The following ADAM23 variants were observed in gnomAD, a reference collection of about 807,000 sequenced individuals.
ADAM23 encodes disintegrin and metalloproteinase domain-containing protein 23.
A neutral mutation model predicts 120.1 loss-of-function variants in ADAM23; 33 were observed. That is an observed-to-expected ratio of 0.27 (90% CI 0.21 to 0.37). The LOEUF is 0.37. ADAM23 is among the 10% of genes least tolerant of loss of function. The pLI is 1.00. For synonymous variants in ADAM23, 367 were observed against 375.2 expected, an observed-to-expected ratio of 0.98 and a Z score of 0.25; for missense variants, 862 against 1,058.2, an observed-to-expected ratio of 0.81 and a Z score of 2.57.
intron 3 of ADAM23, among the ~76,000 whole-genome samples, chr2:206,493,888 A>G (rs1370981801): frequency 2.6e-5 from 4 of 152,214 alleles, no homozygotes; most frequent in Admixed American, 2.0e-4. Flanking sequence ...ATGTGACCAG[A>G]AGGATCTCAC....
intron 2 of ADAM23, among the ~76,000 whole-genome samples, chr2:206,466,593 T>G (rs1489006924): frequency 6.6e-6 from 1 of 152,234 alleles, no homozygotes; most frequent in Non-Finnish European, 1.5e-5. Flanking sequence ...CTCATTCATA[T>G]GTCTCTCATT....
intron 24 of ADAM23, among the ~76,000 whole-genome samples, chr2:206,598,312 T>G (rs1383049899): frequency 2.0e-5 from 3 of 152,132 alleles, no homozygotes; most frequent in African/African-American, 7.2e-5. Context: ...CTTTTTTTCT[T>G]TAAGTAGAGT....
At chr2:206,528,654 A>G (rs1696988384) in intron 3 of ADAM23, among the ~76,000 whole-genome samples, 1 of 152,214 alleles carries the variant, frequency 6.6e-6, no homozygotes, top group African/African-American at 2.4e-5. Context: ...AAAATGATGC[A>G]AAATCATTGA....
rs759816576 is a variant in ADAM23, at chr2:206,550,174, G to T, written c.933+14G>T. 3.9e-6 allele frequency: 6 copies of T among 1,523,572 alleles called. No homozygotes were observed. In the Admixed American group the frequency reaches 1.1e-4, roughly 27 times the overall value. The allele number at this position is 1,523,572 out of a possible 1,614,324, so 94.4% of individuals were successfully genotyped here. ...GATCACAAAACGGTAAGAATATAGA[G>T]TCAGTGGGTTTTAGAACAGATAGCT... is the stretch of plus-strand genomic sequence containing the variant. On this transcript the variant is annotated intron_variant, in intron 9 of 25. Coordinates refer to ENST00000264377, the MANE Select transcript of ADAM23 (RefSeq NM_003812.4).
At chr2:206,526,005 A>G (rs1462382368) in intron 3 of ADAM23, among the ~76,000 whole-genome samples, 1 of 152,152 alleles carries the variant, frequency 6.6e-6, no homozygotes, top group African/African-American at 2.4e-5. Context: ...TTTTCCAATT[A>G]TTAGAATCCT....
intron 3 of ADAM23, among the ~76,000 whole-genome samples, chr2:206,490,837 C>G (rs1344185086): frequency 6.6e-6 from 1 of 151,956 alleles, no homozygotes; most frequent in East Asian, 1.9e-4. Context: ...ATATTGAATG[C>G]CTTGGGTATT....
At chr2:206,525,021 G>T (rs1696915257) in intron 3 of ADAM23, among the ~76,000 whole-genome samples, 1 of 152,174 alleles carries the variant, frequency 6.6e-6, no homozygotes. Flanking sequence ...TAGGTAGGGT[G>T]ACCATATGCC....
At chr2:206,583,047 A>G (rs1489063505) in intron 18 of ADAM23, among the ~76,000 whole-genome samples, 6 of 152,172 alleles carry the variant, frequency 3.9e-5, no homozygotes, top group Non-Finnish European at 7.4e-5. Flanking sequence ...TCTTTTTGCA[A>G]TGAATTTCTC....
intron 2 of ADAM23, among the ~76,000 whole-genome samples, chr2:206,479,524 A>T (rs1695851514): frequency 6.6e-6 from 1 of 152,120 alleles, no homozygotes; most frequent in Non-Finnish European, 1.5e-5. Flanking sequence ...GAGCTGAAAA[A>T]TCTCTCCTTG....
At chr2:206,608,089 A>C (rs1476378211) in intron 24 of ADAM23, 1 of 353,040 alleles carries the variant, frequency 2.8e-6, no homozygotes. Context: ...ACATGTAAGT[A>C]GAATAAAGTT....
At chr2:206,482,510 G>A (rs1270576717) in intron 3 of ADAM23, among the ~76,000 whole-genome samples, 2 of 152,166 alleles carry the variant, frequency 1.3e-5, no homozygotes, top group Non-Finnish European at 2.9e-5. Context: ...TGTGTTTTGA[G>A]CAATAAAATA....
intron 2 of ADAM23, among the ~76,000 whole-genome samples, chr2:206,463,623 G>T (rs1047921777): frequency 6.6e-6 from 1 of 152,212 alleles, no homozygotes; most frequent in African/African-American, 2.4e-5. Context: ...CCAATGTGGG[G>T]CCGAAAAGGA....
intron 2 of ADAM23, among the ~76,000 whole-genome samples, chr2:206,479,013 G>C (rs1695840838): frequency 1.3e-5 from 2 of 152,208 alleles, no homozygotes; most frequent in South Asian, 4.1e-4. Flanking sequence ...TCACTTCTTA[G>C]AGGGCGGAAG....
intron 21 of ADAM23, among the ~76,000 whole-genome samples, chr2:206,589,775 T>C (rs1235552391): frequency 1.3e-5 from 2 of 152,240 alleles, no homozygotes; most frequent in Admixed American, 6.5e-5. Flanking sequence ...ATTTTTGTTC[T>C]GACGAGATAC....
intron 18 of ADAM23, among the ~76,000 whole-genome samples, chr2:206,586,504 G>C (rs1698324778): frequency 6.6e-6 from 1 of 152,178 alleles, no homozygotes; most frequent in Non-Finnish European, 1.5e-5. Flanking sequence ...CCTTTGGCTT[G>C]AACAATTGGA....
At chr2:206,478,545 C>T (rs1466472022) in intron 2 of ADAM23, among the ~76,000 whole-genome samples, 5 of 141,980 alleles carry the variant, frequency 3.5e-5, no homozygotes, top group Admixed American at 2.1e-4. Flanking sequence ...ATGATGATGG[C>T]GTGTGCCAGA....
At chr2:206,601,227 T>C (rs1410354144) in intron 24 of ADAM23, among the ~76,000 whole-genome samples, 1 of 152,184 alleles carries the variant, frequency 6.6e-6, no homozygotes, top group Non-Finnish European at 1.5e-5. Context: ...ATAGGTAATG[T>C]TTTCAGTGAT....
chr2:206,534,275 C>T (rs1697129301), intron 4 of ADAM23, among the ~76,000 whole-genome samples: 1 of 151,962 alleles, frequency 6.6e-6, no homozygotes. Flanking sequence ...AATAGGTGGG[C>T]CTTTGTGACT....
intron 24 of ADAM23, among the ~76,000 whole-genome samples, chr2:206,609,073 C>T (rs1698782444): frequency 6.6e-6 from 1 of 152,144 alleles, no homozygotes; most frequent in Non-Finnish European, 1.5e-5. Flanking sequence ...AGCGAGTGGA[C>T]AGGAGTTACT....
Sources: allele counts gnomAD v4.1 joint callset (sites outside exome capture counted in the v4.1 genomes callset), GRCh38; gene constraint gnomAD v4.1.1; transcripts MANE v1.5; gene names NCBI Gene and HGNC (gene_info 2026-07-23, HGNC 2026-07-21).